ADAMTS6: variants seen among roughly 807,000 people sequenced by gnomAD.
ADAMTS6 encodes ADAM metallopeptidase with thrombospondin type 1 motif 6.
Under a neutral mutation model 144.3 loss-of-function variants are expected in ADAMTS6, and 23 were observed. The ratio of observed to expected loss-of-function variants is 0.16; its 90% confidence interval spans 0.11 to 0.23. ADAMTS6 has a LOEUF of 0.23. Ranked by LOEUF, ADAMTS6 falls within the 10% of genes least tolerant of loss-of-function variation. The pLI, the probability that ADAMTS6 is intolerant of heterozygous loss-of-function variation, is 1.00. For missense variants in ADAMTS6, 999 were observed against 1,379.6 expected (o/e 0.72, Z 4.37); for synonymous variants, 444 against 457.5 (o/e 0.97, Z 0.38).
intron 24 of ADAMTS6, among the ~76,000 whole-genome samples, chr5:65,157,914 G>C (rs1176439254): frequency 6.6e-6 from 1 of 152,170 alleles, no homozygotes; most frequent in Non-Finnish European, 1.5e-5. Flanking sequence ...CTTGAAGCAA[G>C]ATGATATCAG....
At chr5:65,218,166 GCAAAAAATCTA>G (rs1757065385) in intron 18 of ADAMTS6, among the ~76,000 whole-genome samples, 1 of 152,066 alleles carries the variant, frequency 6.6e-6, no homozygotes, top group Non-Finnish European at 1.5e-5. Context: ...ATAAAGCCAG[GCAAAAAATCTA>G]CTGTGGAGCT....
intron 7 of ADAMTS6, among the ~76,000 whole-genome samples, chr5:65,430,613 C>T (rs1493451): frequency 0.61 from 92,420 of 151,954 alleles, 29,948 homozygotes; most frequent in African/African-American, 0.84. Context: ...ATAACCAACC[C>T]TACCCAATGT....
At chr5:65,175,082 A>T (rs997157302) in intron 22 of ADAMTS6, among the ~76,000 whole-genome samples, 2 of 151,926 alleles carry the variant, frequency 1.3e-5, no homozygotes, top group African/African-American at 4.8e-5. Flanking sequence ...CCATACATAG[A>T]CCCTTGGTTA....
At chr5:65,451,182 T>G in intron 7 of ADAMTS6, 1 of 236,776 alleles carries the variant, frequency 4.2e-6, no homozygotes, top group South Asian at 1.0e-4. Context: ...TTTGTTCGGT[T>G]AACAAATCAT....
intron 9 of ADAMTS6, among the ~76,000 whole-genome samples, chr5:65,311,617 A>C (rs1744500097): frequency 6.6e-6 from 1 of 152,058 alleles, no homozygotes; most frequent in Admixed American, 6.6e-5. Flanking sequence ...ATTTGTGATC[A>C]TATTTTGTGT....
At chr5:65,266,756 T>C (rs975138322) in intron 12 of ADAMTS6, among the ~76,000 whole-genome samples, 4 of 152,000 alleles carry the variant, frequency 2.6e-5, no homozygotes, top group Non-Finnish European at 5.9e-5. Flanking sequence ...GAACAACTTG[T>C]TTGATTTTGA....
chr5:65,312,934 C>A (rs1744642737), intron 9 of ADAMTS6, among the ~76,000 whole-genome samples: 2 of 151,824 alleles, frequency 1.3e-5, no homozygotes. Flanking sequence ...CCATTGTAGT[C>A]TTCTTTAGTA....
intron 7 of ADAMTS6, chr5:65,451,178 C>T (rs945580394): frequency 4.1e-5 from 9 of 220,398 alleles, no homozygotes; most frequent in East Asian, 1.1e-4. Flanking sequence ...GTATTTTGTT[C>T]GGTTAACAAA....
intron 7 of ADAMTS6, among the ~76,000 whole-genome samples, chr5:65,441,258 G>A (rs982367031): frequency 6.6e-6 from 1 of 152,054 alleles, no homozygotes; most frequent in Non-Finnish European, 1.5e-5. Context: ...TCACCTTGAA[G>A]ACATAGCAAT....
At position 65,253,896 on chromosome 5, in the gene ADAMTS6, C is replaced by T. The variant is rs561510523; in HGVS notation, c.1830+6704G>A. The stretch of plus-strand genomic sequence containing the variant: ...AGCCTGGGGTGCAGTGATGCGATCT[C>T]GGCTCACTGCAACCTCCGCTTCCTG... On this transcript the variant is annotated intron_variant, in intron 14 of 24. Coordinates refer to ENST00000381055, the MANE Select transcript of ADAMTS6 (RefSeq NM_197941.4). 9.6e-4 allele frequency among the ~76,000 whole-genome samples: 132 copies of T among 137,368 alleles called. 1 individual carries two copies. The highest frequency in any genetic ancestry group is 1.8e-3 in the Admixed American group (22 of 12,394). 90.1% of individuals were successfully genotyped at this position (137,368 alleles called of 152,430 possible).
chr5:65,206,141 C>T (rs1476744279), intron 20 of ADAMTS6, among the ~76,000 whole-genome samples: 1 of 152,038 alleles, frequency 6.6e-6, no homozygotes, highest in Non-Finnish European at 1.5e-5. Context: ...CAAACTTTTT[C>T]AGTTCACAGT....
intron 7 of ADAMTS6, among the ~76,000 whole-genome samples, chr5:65,441,588 T>C (rs1022371008): frequency 6.6e-6 from 1 of 152,052 alleles, no homozygotes; most frequent in East Asian, 1.9e-4. Flanking sequence ...TTGATATATA[T>C]AGAAAATTCG....
Position 65,438,890 on chromosome 5 carries a change from G to A in ADAMTS6, c.1073+12585C>T, listed in dbSNP as rs569576761. On this transcript the variant is annotated intron_variant, in intron 7 of 24. Transcript: ENST00000381055. ...TCAAACAAACGAAAACACAAGGTGCGAACTCTAGAATTTCTGTACAAGAAA... is the reference window on the plus strand; with the variant it reads ...TCAAACAAACGAAAACACAAGGTGCAAACTCTAGAATTTCTGTACAAGAAA... Among the ~76,000 whole-genome samples the A allele has an allele frequency of 1.4e-4, 21 of 152,268 alleles. No homozygotes were observed. In the South Asian group the frequency reaches 1.4e-3, roughly 11 times the overall value.
chr5:65,326,319 T>TG (rs1746170861), intron 9 of ADAMTS6, among the ~76,000 whole-genome samples: 1 of 152,222 alleles, frequency 6.6e-6, no homozygotes, highest in African/African-American at 2.4e-5. Flanking sequence ...TAAGTGCCTT[T>TG]GGCTTATAGC....
intron 24 of ADAMTS6, among the ~76,000 whole-genome samples, chr5:65,160,809 T>C (rs1159411621): frequency 3.3e-5 from 5 of 151,490 alleles, no homozygotes; most frequent in Admixed American, 2.0e-4. Flanking sequence ...TGTGCCACCA[T>C]GCCCGGATAA....
chr5:65,229,531 T>G (rs1000868227), intron 15 of ADAMTS6, among the ~76,000 whole-genome samples: 2 of 152,086 alleles, frequency 1.3e-5, no homozygotes, highest in Admixed American at 1.3e-4. Flanking sequence ...GAGGGAGCTA[T>G]AAGAGAACAC....
chr5:65,369,731 T>C (rs1173694995), intron 7 of ADAMTS6, among the ~76,000 whole-genome samples: 1 of 152,198 alleles, frequency 6.6e-6, no homozygotes, highest in Non-Finnish European at 1.5e-5. Context: ...TATTAAGTAC[T>C]ATACATTGGG....
intron 7 of ADAMTS6, among the ~76,000 whole-genome samples, chr5:65,437,892 C>A (rs551147691): frequency 6.6e-6 from 1 of 152,236 alleles, no homozygotes; most frequent in African/African-American, 2.4e-5. Context: ...ACTTGTGAAT[C>A]TAAAGGGCCA....
intron 9 of ADAMTS6, among the ~76,000 whole-genome samples, chr5:65,310,255 G>A (rs1744365687): frequency 6.6e-6 from 1 of 151,994 alleles, no homozygotes; most frequent in African/African-American, 2.4e-5. Flanking sequence ...CTGAAGAACC[G>A]TGAGCCAATT....
Sources: gnomAD v4.1 joint callset for allele counts (sites outside exome capture counted in the v4.1 genomes callset) on GRCh38, gnomAD v4.1.1 for gene constraint, MANE v1.5 for transcripts, NCBI Gene and HGNC (gene_info 2026-07-23, HGNC 2026-07-21) for gene names.